The following ST6GAL1 variants were observed in gnomAD, a reference collection of about 807,000 sequenced individuals.
The protein encoded by ST6GAL1 is beta-galactoside alpha-2,6-sialyltransferase 1.
In ST6GAL1, 20 loss-of-function variants were observed where a neutral mutation model predicts 38.0. The ratio of observed to expected loss-of-function variants is 0.53; its 90% CI spans 0.37 to 0.77. The LOEUF is 0.77. Among genes scored for constraint, ST6GAL1 ranks in the 30% least tolerant of loss-of-function variants. ST6GAL1 has a pLI of 0.00. For missense variants in ST6GAL1, 432 were observed against 496.4 expected (o/e 0.87, Z 1.23); for synonymous variants, 196 against 188.2 (o/e 1.04, Z -0.34).
Position 187,076,831 on chromosome 3 carries a change from G to A in ST6GAL1, c.*1028G>A, listed in dbSNP as rs751174576. 5.8e-5 allele frequency: 23 copies of A among 398,854 alleles called. No individual in the cohort carries two copies. Among genetic ancestry groups the A allele is most frequent in the Admixed American group, 3.1e-4 (7 of 22,704 alleles). The allele number at this position is 398,854 out of a possible 1,614,324, so 24.7% of individuals were successfully genotyped here. The stretch of plus-strand genomic sequence containing the variant: ...TCTGAGGTAGCAAGTGCAGCCTCAC[G>A]ACAGATACCAGGCAATCCAGAGCCA... On this transcript the variant is annotated 3_prime_UTR_variant, in exon 8 of 8. Coordinates refer to ENST00000169298, the MANE Select transcript of ST6GAL1 (RefSeq NM_173216.2).
rs1386089694 is a variant in ST6GAL1, at chr3:186,965,260, A to T, written c.-183+1334A>T. ...AAAGGGAGCCTCAGCAATGCAGGAC[A>T]TAAGAGCCAGAACTGAAATCAGAGT... On this transcript the variant is annotated intron_variant, in intron 2 of 7. Transcript: ENST00000169298. Among the ~76,000 whole-genome samples the T allele has an allele frequency of 2.0e-5, 3 of 152,266 alleles. No individual in the cohort carries two copies. The East Asian group carries it at 5.8e-4, about 29-fold the overall frequency.
chr3:187,061,461 T>C (rs956563761), intron 5 of ST6GAL1, among the ~76,000 whole-genome samples: 1 of 152,078 alleles, frequency 6.6e-6, no homozygotes, highest in Non-Finnish European at 1.5e-5. Flanking sequence ...GTTCTCTCAC[T>C]TCTTGATTTC....
At chr3:187,001,803 A>G (rs1716625820) in intron 2 of ST6GAL1, among the ~76,000 whole-genome samples, 1 of 152,050 alleles carries the variant, frequency 6.6e-6, no homozygotes, top group Non-Finnish European at 1.5e-5. Flanking sequence ...TAAAAATACA[A>G]AAATTAGCCG....
At chr3:186,977,917 T>A (rs1032922628) in intron 2 of ST6GAL1, among the ~76,000 whole-genome samples, 4 of 152,160 alleles carry the variant, frequency 2.6e-5, no homozygotes, top group African/African-American at 9.7e-5. Context: ...ATTTAATAGA[T>A]AAGAAAACAG....
intron 2 of ST6GAL1, among the ~76,000 whole-genome samples, chr3:186,991,730 C>G (rs77192455): frequency 0.025 from 3,864 of 152,182 alleles, 65 homozygotes; most frequent in Middle Eastern, 0.054. Flanking sequence ...CTGGGGTGAT[C>G]CCTATTCACC....
Position 187,043,162 on chromosome 3 carries a change from AGAG to A in ST6GAL1, c.461_463del (p.Glu154del). Reference sequence around the variant, plus strand: ...GGGACCATGTGAATGTATCCATGGTAGAGGTCACAGATTTTCCCTTCAATACCT... The same window carrying A: ...GGGACCATGTGAATGTATCCATGGTAGTCACAGATTTTCCCTTCAATACCT... On this transcript the variant is annotated inframe_deletion, in exon 4 of 8. Coordinates refer to ENST00000169298, the MANE Select transcript of ST6GAL1 (RefSeq NM_173216.2). The A allele has an allele frequency of 6.2e-7, 1 of 1,614,216 alleles. No homozygotes were observed. The highest frequency in any genetic ancestry group is 8.5e-7 in the Non-Finnish European group (1 of 1,180,032).
chr3:187,055,154 T>C (rs2108589753), intron 5 of ST6GAL1, among the ~76,000 whole-genome samples: 1 of 152,254 alleles, frequency 6.6e-6, no homozygotes, highest in Middle Eastern at 3.4e-3. Flanking sequence ...TCCCAATTTA[T>C]CGTTTTTTAT....
At position 187,074,338 on chromosome 3, in the gene ST6GAL1, G is replaced by A; in HGVS notation, c.979+5G>A. ...CCCCATCCTCTGGGATGCTTGGTGA[G>A]TTCATGTCGGGGAAAAGACCTTGCA... On this transcript the variant is annotated splice_donor_5th_base_variant and intron_variant, in intron 7 of 7. Transcript: ENST00000169298. The A allele has an allele frequency of 6.4e-7, 1 of 1,562,022 alleles. No homozygotes were observed. The highest frequency in any genetic ancestry group is 1.2e-5 in the South Asian group (1 of 81,154).
At chr3:186,954,720 T>C (rs1254155133) in intron 1 of ST6GAL1, among the ~76,000 whole-genome samples, 2 of 152,206 alleles carry the variant, frequency 1.3e-5, no homozygotes, top group African/African-American at 4.8e-5. Flanking sequence ...AGATTCTGGA[T>C]ATTAGAGCTT....
rs1718680916 is a variant in ST6GAL1 at position 187,055,848 on chromosome 3, T to A, written c.705+4502T>A. Among the ~76,000 whole-genome samples, 7 of 152,168 alleles carry A rather than the reference T, an allele frequency of 4.6e-5. No individual in the cohort carries two copies. In the South Asian group the frequency reaches 1.4e-3, roughly 31 times the overall value. On this transcript the variant is annotated intron_variant, in intron 5 of 7. Coordinates refer to ENST00000169298, the MANE Select transcript of ST6GAL1 (RefSeq NM_173216.2). The stretch of plus-strand genomic sequence containing the variant: ...TGCTTGGTGCAGAGCTGAGTTCAAG[T>A]CCTGGATATCCTTGTTAAGTTTCTG...
chr3:187,005,448 G>A (rs914344577), intron 2 of ST6GAL1, among the ~76,000 whole-genome samples: 1 of 151,738 alleles, frequency 6.6e-6, no homozygotes, highest in Admixed American at 6.6e-5. Context: ...GCTAACTTTT[G>A]TATTTTTTAG....
intron 4 of ST6GAL1, among the ~76,000 whole-genome samples, chr3:187,048,409 G>C (rs1406999483): frequency 6.6e-6 from 1 of 152,094 alleles, no homozygotes; most frequent in Non-Finnish European, 1.5e-5. Context: ...GACACTTGCT[G>C]CATCCTCTGA....
chr3:186,993,593 TTTATTTATTTA>T (rs1157061771), intron 2 of ST6GAL1, among the ~76,000 whole-genome samples: 6,818 of 107,638 alleles, frequency 0.063, 227 homozygotes, highest in Middle Eastern at 0.11. Context: ...TATTTATTTA[TTTATTTATTTA>T]TATGTTTTAG....
At chr3:186,994,189 T>C (rs1309520360) in intron 2 of ST6GAL1, among the ~76,000 whole-genome samples, 1 of 152,176 alleles carries the variant, frequency 6.6e-6, no homozygotes, top group Non-Finnish European at 1.5e-5. Flanking sequence ...GAGAGAGTAA[T>C]TGAAATAATG....
intron 2 of ST6GAL1, among the ~76,000 whole-genome samples, chr3:186,982,571 TC>T (rs1335779037): frequency 1.3e-5 from 2 of 152,214 alleles, no homozygotes; most frequent in Non-Finnish European, 2.9e-5. Flanking sequence ...TATCATTTAA[TC>T]AACCTTGAGC....
chr3:186,948,561 G>GTC (rs1374660096), intron 1 of ST6GAL1: 1 of 152,670 alleles, frequency 6.6e-6, no homozygotes, highest in Admixed American at 6.6e-5. Flanking sequence ...GTGTGTGTGT[G>GTC]TGTGTGTGTC....
chr3:186,960,863 G>C (rs577016905), intron 1 of ST6GAL1, among the ~76,000 whole-genome samples: 253 of 151,530 alleles, frequency 1.7e-3, no homozygotes, highest in African/African-American at 5.9e-3. Context: ...CTGCTGTCCT[G>C]GGCCTGCATG....
At chr3:186,947,719 T>C (rs974190012) in intron 1 of ST6GAL1, among the ~76,000 whole-genome samples, 2 of 152,186 alleles carry the variant, frequency 1.3e-5, no homozygotes, top group Non-Finnish European at 2.9e-5. Flanking sequence ...AACCCTAATT[T>C]CCTTGCCTAT....
chr3:187,077,229 C>T lies in ST6GAL1; in HGVS notation c.*1426C>T. The stretch of plus-strand genomic sequence containing the variant: ...TTCAGGCTCTCTGGGCAGAGGCTGG[C>T]CCACTGTAGTTTGCAGACATGCTCT... On this transcript the variant is annotated 3_prime_UTR_variant, in exon 8 of 8. Transcript: ENST00000169298. The T allele has an allele frequency of 1.6e-5, 6 of 364,252 alleles. No homozygotes were observed. Among genetic ancestry groups the T allele is most frequent in the Non-Finnish European group, 2.9e-5 (6 of 205,348 alleles). 22.6% of individuals were successfully genotyped at this position (364,252 alleles called of 1,614,324 possible). A position where few individuals can be genotyped will look rare whatever the true frequency, so the allele number is the denominator to read the frequency against.
Sources: allele counts gnomAD v4.1 joint callset (sites outside exome capture counted in the v4.1 genomes callset), GRCh38; gene constraint gnomAD v4.1.1; transcripts MANE v1.5; gene names NCBI Gene and HGNC (gene_info 2026-07-23, HGNC 2026-07-21).